CLDN15: variants seen among roughly 807,000 people sequenced by gnomAD.
CLDN15 encodes the protein claudin 15.
In CLDN15, 9 loss-of-function variants were observed where a neutral mutation model predicts 24.5. The ratio of observed to expected loss-of-function variants is 0.37; its 90% CI spans 0.22 to 0.64. The LOEUF is 0.64. CLDN15 is among the 30% of genes least tolerant of loss of function. CLDN15 has a pLI of 0.63. For missense variants in CLDN15, 248 were observed against 305.9 expected (o/e 0.81, Z 1.41); for synonymous variants, 149 against 131.4 (o/e 1.13, Z -0.92).
chr7:101,236,634 G>T, intron 1 of CLDN15: 2 of 745,170 alleles, frequency 2.7e-6, no homozygotes, highest in Non-Finnish European at 3.9e-6. Flanking sequence ...TTAGCGGGGA[G>T]CAGGGAGCGG....
intron 1 of CLDN15, chr7:101,236,598 C>G (rs1000534152): frequency 2.0e-6 from 1 of 509,844 alleles, no homozygotes; most frequent in Admixed American, 3.4e-5. Flanking sequence ...GAGACTGCCC[C>G]GGAGAAACAA....
intron 1 of CLDN15, among the ~76,000 whole-genome samples, chr7:101,235,257 G>T (rs140860441): frequency 1.3e-5 from 2 of 152,316 alleles, no homozygotes; most frequent in Non-Finnish European, 2.9e-5. Flanking sequence ...GTACAGCAGA[G>T]GGCCTAGGGC....
At chr7:101,233,445 C>CT (rs1329850386) in intron 2 of CLDN15, among the ~76,000 whole-genome samples, 1 of 152,188 alleles carries the variant, frequency 6.6e-6, no homozygotes, top group African/African-American at 2.4e-5. Flanking sequence ...AATACCCACC[C>CT]TACCTCAAAG....
At chr7:101,233,025 C>A in intron 2 of CLDN15, 111 bp from the exon 3 acceptor site, 2 of 726,252 alleles carry the variant, frequency 2.8e-6, no homozygotes, top group South Asian at 3.1e-5. Context: ...GGCACCAAGT[C>A]CCAGAGCAGC....
chr7:101,232,213 G>A lies in CLDN15; in HGVS notation c.*197C>T. On this transcript the variant is annotated 3_prime_UTR_variant, in exon 5 of 5. Coordinates refer to ENST00000308344, the MANE Select transcript of CLDN15 (RefSeq NM_014343.3). ...GAAGATGAGGGATCCAGCCTCAGAG[G>A]GGAGATATGCGACTTCCCAAGAGCA... is the stretch of plus-strand genomic sequence containing the variant. The A allele has an allele frequency of 1.8e-6, 1 of 560,000 alleles. No individual in the cohort carries two copies. Among genetic ancestry groups the A allele is most frequent in the Non-Finnish European group, 3.2e-6 (1 of 316,194 alleles). 34.7% of individuals were successfully genotyped at this position (560,000 alleles called of 1,614,324 possible). A position where few individuals can be genotyped will look rare whatever the true frequency, so the allele number is the denominator to read the frequency against.
At chr7:101,232,562 T>C (rs963740452) in intron 4 of CLDN15, 42 bp downstream of exon 4, 1 of 1,596,866 alleles carries the variant, frequency 6.3e-7, no homozygotes, top group African/African-American at 1.3e-5. Context: ...CCCTCCTCTC[T>C]CCAATCCCGC....
Position 101,232,695 on chromosome 7 carries a change from G to A in CLDN15, c.490C>T (p.Leu164=). 3.1e-6 allele frequency: 5 copies of A among 1,594,550 alleles called. No individual in the cohort carries two copies. The highest frequency in any genetic ancestry group is 4.3e-6 in the Non-Finnish European group (5 of 1,171,098). ...TKYELGPALY[L]GWSASLISIL... is the part of the protein sequence containing the mutation. ...GAGATCAGTGAGGCGCTCCACCCCA[G>A]GTAGAGGGCGGGGCCCAGCTCGTAC... Residue 164 remains leucine, a synonymous_variant, in exon 4 of 5, where the codon CTG becomes TTG. Transcript: ENST00000308344.
chr7:101,234,567 C>T, intron 1 of CLDN15, 125 bp from the exon 2 acceptor site: 2 of 656,888 alleles, frequency 3.0e-6, no homozygotes, highest in Non-Finnish European at 5.3e-6. Context: ...GCTGGGATTA[C>T]AGACACGCAC....
At chr7:101,232,998 GCCCAGAGTAGGACGGGGGCACCAAGT>G in intron 2 of CLDN15, 84 bp from the exon 3 acceptor site, 1 of 928,084 alleles carries the variant, frequency 1.1e-6, no homozygotes, top group Middle Eastern at 2.7e-4. Flanking sequence ...GGCAGGGGCT[GCCCAGAGTAGGACGGGGGCACCAAGT>G]CCCAGAGCAG....
In CLDN15 at chr7:101,232,256, G is replaced by A. The variant is rs1798512956; in HGVS notation, c.*154C>T. On this transcript the variant is annotated 3_prime_UTR_variant, in exon 5 of 5. Coordinates refer to ENST00000308344, the MANE Select transcript of CLDN15 (RefSeq NM_014343.3). ...CAAGAGCAGTTCTTGGCCTGGAGGG[G>A]CCATGAGAGTGCAAGACACGGGGCC... 6.7e-6 allele frequency: 4 copies of A among 598,168 alleles called. No individual in the cohort carries two copies. Among genetic ancestry groups the A allele is most frequent in the Non-Finnish European group, 5.9e-6 (2 of 336,450 alleles). 37.1% of individuals were successfully genotyped at this position (598,168 alleles called of 1,614,324 possible). A position where few individuals can be genotyped will look rare whatever the true frequency, so the allele number is the denominator to read the frequency against.
chr7:101,235,126 A>G (rs150243876), intron 1 of CLDN15, among the ~76,000 whole-genome samples: 119 of 152,302 alleles, frequency 7.8e-4, no homozygotes, highest in African/African-American at 2.7e-3. Flanking sequence ...AACCACAGCT[A>G]AGCATCGCTG....
At chr7:101,236,831 C>A (rs1319884520) in intron 1 of CLDN15, 1 of 1,290,918 alleles carries the variant, frequency 7.7e-7, no homozygotes, top group South Asian at 1.2e-5. Flanking sequence ...TTATAGACAT[C>A]AGCCGGACAA....
intron 2 of CLDN15, among the ~76,000 whole-genome samples, chr7:101,233,122 CA>C (rs1798536733): frequency 6.6e-6 from 1 of 152,104 alleles, no homozygotes; most frequent in African/African-American, 2.4e-5. Context: ...CCTTAGGCCC[CA>C]AGTCCAGCCC....
rs924093320 is a variant in CLDN15, at chr7:101,232,634, C to G, written c.551G>C (p.Cys184Ser). 2 of 1,587,112 alleles carry G rather than the reference C, an allele frequency of 1.3e-6. No homozygotes were observed. The highest frequency in any genetic ancestry group is 1.7e-6 in the Non-Finnish European group (2 of 1,167,118). Residue 184 changes from cysteine (C) to serine (S), a missense_variant, in exon 4 of 5, where the codon TGC (cysteine) becomes TCC (serine). By Grantham distance (112) the Cys-to-Ser change is moderately radical (BLOSUM62 -1). Coordinates refer to ENST00000308344, the MANE Select transcript of CLDN15 (RefSeq NM_014343.3). ...LGGLCLCSAC[C>S]CGSDEDPAAS... ...GGCTGGGTCCTCGTCAGAGCCGCAG[C>G]AGCAGGCGGAGCAGAGGCAGAGGCC...
intron 1 of CLDN15, among the ~76,000 whole-genome samples, chr7:101,236,453 C>T (rs1024594179): frequency 4.6e-5 from 7 of 152,210 alleles, no homozygotes; most frequent in South Asian, 2.1e-4. Context: ...CAGCCAGTGT[C>T]GCCCTCGGCT....
At chr7:101,232,568 C>G in intron 4 of CLDN15, 36 bp downstream of exon 4, 1 of 1,595,744 alleles carries the variant, frequency 6.3e-7, no homozygotes, top group East Asian at 2.2e-5. Context: ...TCTCTCCAAT[C>G]CCGCCCGGCC....
chr7:101,237,899 G>A (rs1027871193), upstream of CLDN15: 63 of 385,122 alleles, frequency 1.6e-4, no homozygotes, highest in African/African-American at 7.8e-4. The surrounding 1 kb of genome is among the most constrained non-coding windows in gnomAD (Gnocchi z 4.0). Flanking sequence ...GGGCTGCCCC[G>A]GGCTCCCCGC....
At chr7:101,237,944 G>A (rs1029537734), upstream of CLDN15, 2 of 331,474 alleles carry the variant, frequency 6.0e-6, no homozygotes, top group African/African-American at 2.1e-5. The surrounding 1 kb of genome is among the most constrained non-coding windows in gnomAD (Gnocchi z 4.0). Flanking sequence ...TTACCCTGGA[G>A]CCACTGACGG....
At chr7:101,233,764 ATTTTTTTTTTT>A (rs746861741) in intron 2 of CLDN15, 23 of 88,546 alleles carry the variant, frequency 2.6e-4, no homozygotes, top group South Asian at 1.2e-3. Context: ...CGCCTGGCTA[ATTTTTTTTTTT>A]TTTTTTTTTT....
Sources: allele counts gnomAD v4.1 joint callset (sites outside exome capture counted in the v4.1 genomes callset), GRCh38; gene constraint gnomAD v4.1.1; non-coding constraint Gnocchi (gnomAD v3.1); transcripts MANE v1.5; gene names NCBI Gene and HGNC (gene_info 2026-07-23, HGNC 2026-07-21).